JPH1: variants seen among roughly 807,000 people sequenced by gnomAD.
JPH1 encodes the protein junctophilin 1, also known as junctophilin-1.
JPH1 carries 12 observed loss-of-function variants against 53.6 expected under a neutral mutation model. The ratio of observed to expected loss-of-function variants is 0.22; its 90% CI spans 0.14 to 0.36. JPH1 has a LOEUF of 0.36. JPH1 is among the 10% of genes least tolerant of loss of function. The probability of loss-of-function intolerance (pLI) is 1.00; values close to 1 mark genes in which losing one functional copy is unlikely to be tolerated. For synonymous variants in JPH1, 375 were observed against 363.8 expected (o/e 1.03, Z -0.35); for missense variants, 808 against 905.5 (o/e 0.89, Z 1.38).
intron 2 of JPH1, among the ~76,000 whole-genome samples, chr8:74,267,425 G>T (rs997117903): frequency 1.1e-4 from 16 of 152,234 alleles, no homozygotes; most frequent in Admixed American, 8.5e-4. Flanking sequence ...GCTTCTTTTA[G>T]GAGGTAAGTG....
rs753493340 is a variant in JPH1, at chr8:74,321,003, C to G, written c.285G>C (p.Gly95=). ...EWSHGFKGRY[G]VRQSLCTPAR... is the part of the protein sequence containing the mutation. Reference sequence around the variant, plus strand: ...CGGGGGTGCACAGGCTCTGCCGGACCCCGTAGCGCCCCTTGAAACCATGTG... The same window carrying G: ...CGGGGGTGCACAGGCTCTGCCGGACGCCGTAGCGCCCCTTGAAACCATGTG... Residue 95 remains glycine (G), a synonymous_variant, in exon 1 of 6, where the codon GGG becomes GGC. Coordinates refer to ENST00000342232, the MANE Select transcript of JPH1 (RefSeq NM_020647.4). This position sits in a 1 kb window ranked among gnomAD's most constrained non-coding sequence, Gnocchi z 4.3. The G allele has an allele frequency of 1.9e-6, 3 of 1,612,876 alleles. No individual in the cohort carries two copies. Among genetic ancestry groups the G allele is most frequent in the Admixed American group, 3.3e-5 (2 of 59,910 alleles).
chr8:74,250,735 T>C (rs899385256), intron 3 of JPH1, among the ~76,000 whole-genome samples: 1 of 152,194 alleles, frequency 6.6e-6, no homozygotes, highest in African/African-American at 2.4e-5. Context: ...ACACCCTTGC[T>C]CTAAAGCCTA....
Position 74,287,445 on chromosome 8 carries a change from T to TA in JPH1, c.1139+27415dup, listed in dbSNP as rs1277338833. 9.3e-4 allele frequency among the ~76,000 whole-genome samples: 141 copies of TA among 152,138 alleles called. 1 individual carries two copies. Among genetic ancestry groups the TA allele is most frequent in the African/African-American group, 3.3e-3 (136 of 41,524 alleles). The stretch of plus-strand genomic sequence containing the variant: ...AAAAAAAAAAAAAATTACTGTGAGT[T>TA]AAAAATTACATTTTTTCTTGTAATG... On this transcript the variant is annotated intron_variant, in intron 2 of 5. Coordinates refer to ENST00000342232, the MANE Select transcript of JPH1 (RefSeq NM_020647.4).
chr8:74,295,899 G>A (rs1807496534), intron 2 of JPH1, among the ~76,000 whole-genome samples: 1 of 152,000 alleles, frequency 6.6e-6, no homozygotes, highest in African/African-American at 2.4e-5. Context: ...CTCAGGCGTT[G>A]CGTGTGTGTT....
chr8:74,318,366 A>G (rs1199678921), intron 1 of JPH1, among the ~76,000 whole-genome samples: 1 of 152,168 alleles, frequency 6.6e-6, no homozygotes, highest in Non-Finnish European at 1.5e-5. Flanking sequence ...CACTATGCCA[A>G]ACTTCAGTTT....
intron 3 of JPH1, among the ~76,000 whole-genome samples, chr8:74,257,185 G>A (rs1806264082): frequency 6.6e-6 from 1 of 152,172 alleles, no homozygotes; most frequent in African/African-American, 2.4e-5. Context: ...ACAAGCTCTG[G>A]TCTCAAATAG....
chr8:74,248,476 G>A (rs986904281), intron 3 of JPH1, among the ~76,000 whole-genome samples: 10 of 152,166 alleles, frequency 6.6e-5, no homozygotes, highest in South Asian at 6.2e-4. Context: ...CAAATGATCC[G>A]AGTGATTCTA....
chr8:74,238,557 A>G (rs1805608623), intron 4 of JPH1, among the ~76,000 whole-genome samples: 2 of 152,206 alleles, frequency 1.3e-5, no homozygotes. Flanking sequence ...ATTCACTGCT[A>G]TGTACCCAGT....
At chr8:74,284,160 C>T (rs1807094696) in intron 2 of JPH1, among the ~76,000 whole-genome samples, 1 of 152,228 alleles carries the variant, frequency 6.6e-6, no homozygotes, top group South Asian at 2.1e-4. Flanking sequence ...TCTATTGACA[C>T]ATCACTAAAA....
In JPH1 at chr8:74,237,183, A is replaced by G. The variant is rs1443426912; in HGVS notation, c.*15+25T>C. ...AAAGAATGTTATTTACTATGATTTT[A>G]GATAGAAATTAAGGCGATTCTTACC... is the stretch of plus-strand genomic sequence containing the variant. On this transcript the variant is annotated intron_variant, in intron 5 of 5. Coordinates refer to ENST00000342232, the MANE Select transcript of JPH1 (RefSeq NM_020647.4). 6 of 1,382,650 alleles carry G rather than the reference A, an allele frequency of 4.3e-6. 1 individual carries two copies. The African/African-American group carries it at 8.7e-5, about 20-fold the overall frequency. 85.6% of individuals were successfully genotyped at this position (1,382,650 alleles called of 1,614,324 possible).
chr8:74,260,427 T>C (rs1477027798), intron 2 of JPH1, among the ~76,000 whole-genome samples: 1 of 152,198 alleles, frequency 6.6e-6, no homozygotes, highest in African/African-American at 2.4e-5. Context: ...GTTTATCTGC[T>C]CTGCAAAGGG....
intron 3 of JPH1, among the ~76,000 whole-genome samples, chr8:74,245,802 T>C (rs1266605940): frequency 2.0e-5 from 3 of 152,096 alleles, no homozygotes; most frequent in Non-Finnish European, 4.4e-5. Flanking sequence ...AGATTTTTTT[T>C]TTCCTTTTTT....
At chr8:74,285,551 T>C (rs1013880306) in intron 2 of JPH1, among the ~76,000 whole-genome samples, 1 of 152,182 alleles carries the variant, frequency 6.6e-6, no homozygotes, top group Non-Finnish European at 1.5e-5. Flanking sequence ...TTCCTTTTTA[T>C]AAATTTAGTG....
intron 3 of JPH1, among the ~76,000 whole-genome samples, chr8:74,248,600 A>G (rs772893147): frequency 2.0e-5 from 3 of 152,214 alleles, no homozygotes; most frequent in Non-Finnish European, 2.9e-5. Flanking sequence ...ACATGACTAC[A>G]TCCTGTTGGA....
chr8:74,271,632 A>C (rs1458227977), intron 2 of JPH1, among the ~76,000 whole-genome samples: 1 of 152,236 alleles, frequency 6.6e-6, no homozygotes, highest in Non-Finnish European at 1.5e-5. Context: ...TCCTGGTGGA[A>C]ACTTGTAAAA....
rs544976660 is a variant in JPH1 at position 74,247,643 on chromosome 8, C to A, written c.1259-2468G>T. Among the ~76,000 whole-genome samples the A allele has an allele frequency of 1.9e-4, 29 of 152,156 alleles. No individual in the cohort carries two copies. In the South Asian group the frequency reaches 5.8e-3, roughly 30 times the overall value. On this transcript the variant is annotated intron_variant, in intron 3 of 5. Coordinates refer to ENST00000342232, the MANE Select transcript of JPH1 (RefSeq NM_020647.4). Reference sequence around the variant, plus strand: ...GGAGGGAAAAGGTAAAGAGTCACTGCGCCCTGAGAAATGAAGCTGTCACAA... The same window carrying A: ...GGAGGGAAAAGGTAAAGAGTCACTGAGCCCTGAGAAATGAAGCTGTCACAA...
At chr8:74,302,300 A>G (rs1343199880) in intron 2 of JPH1, among the ~76,000 whole-genome samples, 2 of 152,228 alleles carry the variant, frequency 1.3e-5, no homozygotes, top group Admixed American at 1.3e-4. Flanking sequence ...AACACTGCCA[A>G]AACATTCATT....
intron 2 of JPH1, among the ~76,000 whole-genome samples, chr8:74,284,254 T>C (rs912301449): frequency 4.6e-5 from 7 of 152,252 alleles, no homozygotes; most frequent in Admixed American, 2.6e-4. Context: ...TTATGTGTCA[T>C]TCTTATTCAA....
Position 74,244,944 on chromosome 8 carries a change from T to C in JPH1, c.1490A>G (p.Asp497Gly). 2 of 1,614,096 alleles carry C rather than the reference T, an allele frequency of 1.2e-6. No homozygotes were observed. Among genetic ancestry groups the C allele is most frequent in the South Asian group, 1.1e-5 (1 of 91,066 alleles). Residue 497 changes from aspartate to glycine, a missense_variant, in exon 4 of 6, where the codon GAC (aspartate) becomes GGC (glycine). Coordinates refer to ENST00000342232, the MANE Select transcript of JPH1 (RefSeq NM_020647.4). ...CTGCTCATCAGCCACACTCCTTTTG[T>C]CTTGGTTGAGTCTCGCCCCTGAGCT... is the stretch of plus-strand genomic sequence containing the variant. Reference protein sequence around the residue: ...NPSSGARLNQDKRSVADEQVT... With the variant: ...NPSSGARLNQGKRSVADEQVT...
Sources: gnomAD v4.1 joint callset for allele counts (sites outside exome capture counted in the v4.1 genomes callset) on GRCh38, gnomAD v4.1.1 for gene constraint, Gnocchi (gnomAD v3.1) non-coding constraint, MANE v1.5 for transcripts, NCBI Gene and HGNC (gene_info 2026-07-23, HGNC 2026-07-21) for gene names.